The following SCARB1 variants were observed in gnomAD, a reference collection of about 807,000 sequenced individuals.
The protein encoded by SCARB1 is scavenger receptor class B member 1, also known as CD36 and LIMPII analogous 1.
Under a neutral mutation model 57.2 loss-of-function variants are expected in SCARB1, and 30 were observed. The ratio of observed to expected loss-of-function variants is 0.52; its 90% CI spans 0.39 to 0.71. The LOEUF (loss-of-function observed/expected upper bound fraction) is 0.71. Among genes scored for constraint, SCARB1 ranks in the 30% least tolerant of loss-of-function variants. The pLI, the probability that SCARB1 is intolerant of heterozygous loss-of-function variation, is 0.00. For missense variants in SCARB1, 543 were observed against 671.2 expected (o/e 0.81, Z 2.11); for synonymous variants, 249 against 268.3 (o/e 0.93, Z 0.70).
chr12:124,814,500 G>A lies in SCARB1; in HGVS notation c.427-95C>T. 6.0e-6 allele frequency: 8 copies of A among 1,331,448 alleles called. No homozygotes were observed. Among genetic ancestry groups the A allele is most frequent in the Non-Finnish European group, 8.6e-6 (8 of 935,248 alleles). The allele number at this position is 1,331,448 out of a possible 1,614,324, so 82.5% of individuals were successfully genotyped here. On this transcript the variant is annotated intron_variant, in intron 3 of 12. Transcript: ENST00000261693. This position sits in a 1 kb window ranked among gnomAD's most constrained non-coding sequence, Gnocchi z 4.7. ...GGCCTCACAGCAAAGAGCCCATGAA[G>A]GGAAATGCTGGGGTGCAGGAGGCCC...
chr12:124,786,605 C>A, intron 10 of SCARB1, 102 bp from the exon 11 acceptor site: 1 of 1,556,038 alleles, frequency 6.4e-7, no homozygotes, highest in Admixed American at 1.9e-5. Flanking sequence ...TCAGCTTTTC[C>A]CCACCTCAAG....
chr12:124,818,397 C>G (rs1368551048), intron 1 of SCARB1, among the ~76,000 whole-genome samples: 1 of 152,192 alleles, frequency 6.6e-6, no homozygotes, highest in Admixed American at 6.5e-5. Context: ...AGGAGGATCA[C>G]CAGAGCCCAA....
At chr12:124,837,750 A>T (rs1371469729) in intron 1 of SCARB1, among the ~76,000 whole-genome samples, 1 of 151,848 alleles carries the variant, frequency 6.6e-6, no homozygotes, top group East Asian at 1.9e-4. Flanking sequence ...TATAAAAAAA[A>T]AAAATGAGCC....
At chr12:124,788,275 C>T (rs1949594840) in intron 9 of SCARB1, among the ~76,000 whole-genome samples, 2 of 152,156 alleles carry the variant, frequency 1.3e-5, no homozygotes, top group South Asian at 4.2e-4. Context: ...CACCAGTGAC[C>T]CAGCCAAAAT....
Position 124,817,090 on chromosome 12 carries a change from G to A in SCARB1, c.284+460C>T, listed in dbSNP as rs1462872185. ...TGTAGGTACATGTGTGTGTATGTATGTGTGTGTGTATGTGTATGTACGTGT... is the reference window on the plus strand; with the variant it reads ...TGTAGGTACATGTGTGTGTATGTATATGTGTGTGTATGTGTATGTACGTGT... On this transcript the variant is annotated intron_variant, in intron 2 of 12. Transcript: ENST00000261693. This position sits in a 1 kb window ranked among gnomAD's most constrained non-coding sequence, Gnocchi z 4.8. 1.3e-5 allele frequency among the ~76,000 whole-genome samples: 2 copies of A among 148,728 alleles called. No individual in the cohort carries two copies. The highest frequency in any genetic ancestry group is 3.0e-5 in the Non-Finnish European group (2 of 67,492).
Position 124,814,401 on chromosome 12 carries a change from G to A in SCARB1, c.431C>T (p.Ala144Val), listed in dbSNP as rs746188189. 3.9e-5 allele frequency: 63 copies of A among 1,613,162 alleles called. No homozygotes were observed. The highest frequency in any genetic ancestry group is 3.7e-4 in the Middle Eastern group (2 of 5,410). ...GGGCTTATTCTCCATCATCACCGCCGCACCCTGCAAGGCGAAGGGACACTA... is the reference window on the plus strand; with the variant it reads ...GGGCTTATTCTCCATCATCACCGCCACACCCTGCAAGGCGAAGGGACACTA... ...IVMPNILVLG[A>V]AVMMENKPMT... Residue 144 changes from alanine to valine, a missense_variant, in exon 4 of 13, where the codon GCG becomes GTG. Coordinates refer to ENST00000261693, the MANE Select transcript of SCARB1 (RefSeq NM_005505.5). This position sits in a 1 kb window ranked among gnomAD's most constrained non-coding sequence, Gnocchi z 4.7.
At chr12:124,803,916 TTAAA>T (rs1237586476) in intron 7 of SCARB1, among the ~76,000 whole-genome samples, 1 of 152,066 alleles carries the variant, frequency 6.6e-6, no homozygotes, top group Non-Finnish European at 1.5e-5. Context: ...AAAACTCTAT[TTAAA>T]TAAAGATTTT....
intron 1 of SCARB1, among the ~76,000 whole-genome samples, chr12:124,832,964 C>T (rs1192112940): frequency 2.0e-5 from 3 of 152,048 alleles, no homozygotes; most frequent in Non-Finnish European, 2.9e-5. Flanking sequence ...AGTCACGGTG[C>T]AGGCAGGGTG....
intron 10 of SCARB1, among the ~76,000 whole-genome samples, chr12:124,787,159 C>T (rs936375385): frequency 2.3e-4 from 35 of 152,216 alleles, no homozygotes; most frequent in African/African-American, 8.4e-4. Context: ...CACCCAGGGC[C>T]AGGGACTTTA....
intron 7 of SCARB1, among the ~76,000 whole-genome samples, chr12:124,801,055 C>G (rs960041193): frequency 2.0e-5 from 3 of 152,096 alleles, no homozygotes; most frequent in African/African-American, 7.2e-5. Context: ...AAAAATTAGC[C>G]GGGCATGGTG....
intron 1 of SCARB1, among the ~76,000 whole-genome samples, chr12:124,854,751 G>T (rs1594401054): frequency 6.6e-6 from 1 of 152,182 alleles, no homozygotes; most frequent in African/African-American, 2.4e-5. Flanking sequence ...AGATGGGGGG[G>T]CTATGATGGA....
At chr12:124,858,522 G>A (rs1230393820) in intron 1 of SCARB1, among the ~76,000 whole-genome samples, 1 of 152,106 alleles carries the variant, frequency 6.6e-6, no homozygotes, top group African/African-American at 2.4e-5. Flanking sequence ...TCTGTGTGGC[G>A]CATTCATCTG....
Position 124,810,121 on chromosome 12 carries a change from T to C in SCARB1, c.842+53A>G, listed in dbSNP as rs1317311685. ...CAAGTGCACAGCCAACACCACAGAA[T>C]TTGGCCATGAGCTACCCAGGAAACC... On this transcript the variant is annotated intron_variant, in intron 6 of 12. Coordinates refer to ENST00000261693, the MANE Select transcript of SCARB1 (RefSeq NM_005505.5). This position sits in a 1 kb window ranked among gnomAD's most constrained non-coding sequence, Gnocchi z 4.0. The C allele has an allele frequency of 8.7e-7, 1 of 1,148,434 alleles. No individual in the cohort carries two copies. Among genetic ancestry groups the C allele is most frequent in the East Asian group, 2.3e-5 (1 of 42,592 alleles). 71.1% of individuals were successfully genotyped at this position (1,148,434 alleles called of 1,614,324 possible).
rs755248906 is a variant in SCARB1 at position 124,778,522 on chromosome 12, TAGG to T, written c.*62_*64del. ...GGGAGAGTCCGGGAGAAGCGGGGTG[TAGG>T]GGCTGGGGGGCCGGTCAGGCCCAGC... On this transcript the variant is annotated 3_prime_UTR_variant, in exon 13 of 13. Coordinates refer to ENST00000261693, the MANE Select transcript of SCARB1 (RefSeq NM_005505.5). 4.4e-6 allele frequency: 6 copies of T among 1,365,694 alleles called. No homozygotes were observed. Among genetic ancestry groups the T allele is most frequent in the Non-Finnish European group, 5.7e-6 (6 of 1,057,706 alleles). 84.6% of individuals were successfully genotyped at this position (1,365,694 alleles called of 1,614,324 possible).
chr12:124,802,983 T>C (rs1304534396), intron 7 of SCARB1, among the ~76,000 whole-genome samples: 1 of 151,918 alleles, frequency 6.6e-6, no homozygotes, highest in Non-Finnish European at 1.5e-5. Context: ...CTAGGAGCAA[T>C]GGAAGGAGAA....
At chr12:124,854,512 G>A (rs1025764462) in intron 1 of SCARB1, among the ~76,000 whole-genome samples, 9 of 152,200 alleles carry the variant, frequency 5.9e-5, no homozygotes, top group Non-Finnish European at 8.8e-5. Context: ...ACCCCACTGG[G>A]GAGCAAGGAT....
intron 1 of SCARB1, among the ~76,000 whole-genome samples, chr12:124,821,094 C>T (rs1950939034): frequency 6.6e-6 from 1 of 152,022 alleles, no homozygotes; most frequent in Admixed American, 6.5e-5. Context: ...AAAAATCAGC[C>T]ATCCGTGGTG....
intron 7 of SCARB1, among the ~76,000 whole-genome samples, chr12:124,802,383 G>C (rs1320465479): frequency 6.6e-6 from 1 of 152,090 alleles, no homozygotes. Context: ...CATGGACCCA[G>C]AAGCTCACTC....
chr12:124,839,479 C>T (rs1388837412), intron 1 of SCARB1, among the ~76,000 whole-genome samples: 1 of 152,318 alleles, frequency 6.6e-6, no homozygotes, highest in South Asian at 2.1e-4. Context: ...TTGCTCCCAC[C>T]GTTGGGCCAT....
Sources: gnomAD v4.1 joint callset for allele counts (sites outside exome capture counted in the v4.1 genomes callset) on GRCh38, gnomAD v4.1.1 for gene constraint, Gnocchi (gnomAD v3.1) non-coding constraint, MANE v1.5 for transcripts, NCBI Gene and HGNC (gene_info 2026-07-23, HGNC 2026-07-21) for gene names.